The following P2RX1 variants were observed in gnomAD, a reference collection of about 807,000 sequenced individuals.
P2RX1 encodes P2X purinoceptor 1.
In P2RX1, 42 loss-of-function variants were observed where a neutral mutation model predicts 50.3. The ratio of observed to expected loss-of-function variants is 0.83; its 90% CI spans 0.65 to 1.08. P2RX1 has a LOEUF of 1.08. Ranked by LOEUF, P2RX1 falls within the 50% of genes least tolerant of loss-of-function variation. The probability of loss-of-function intolerance (pLI) is 0.00; values close to 1 mark genes in which losing one functional copy is unlikely to be tolerated. For synonymous variants in P2RX1, 199 were observed against 202.6 expected (o/e 0.98, Z 0.15); for missense variants, 449 against 529.0 (o/e 0.85, Z 1.48).
chr17:3,909,175 CGCG>C (rs2056320031), intron 1 of P2RX1, among the ~76,000 whole-genome samples: 1 of 152,082 alleles, frequency 6.6e-6, no homozygotes, highest in Non-Finnish European at 1.5e-5. Flanking sequence ...GGACTACGGG[CGCG>C]CCCCACCACG....
chr17:3,910,415 C>T (rs1030728495), intron 1 of P2RX1, among the ~76,000 whole-genome samples: 3 of 152,228 alleles, frequency 2.0e-5, no homozygotes, highest in Admixed American at 6.5e-5. Flanking sequence ...ACCCTATCAC[C>T]CAGGCTCAAC....
At chr17:3,904,078 C>A in intron 4 of P2RX1, 54 bp from the exon 5 acceptor site, 1 of 1,405,550 alleles carries the variant, frequency 7.1e-7, no homozygotes, top group South Asian at 1.2e-5. Context: ...GAGGCCGCCC[C>A]AGACCCCTTC....
chr17:3,915,676 C>G (rs576641056), intron 1 of P2RX1: 1 of 462,488 alleles, frequency 2.2e-6, no homozygotes, highest in Non-Finnish European at 4.3e-6. Context: ...CTGTCTCTCT[C>G]TAACTTGTCA....
At chr17:3,904,474 A>G (rs2056220638) in intron 3 of P2RX1, 75 bp from the exon 4 acceptor site, 6 of 1,299,362 alleles carry the variant, frequency 4.6e-6, no homozygotes, top group Non-Finnish European at 6.6e-6. Context: ...CCCACCCCCC[A>G]GGGCCCTAGG....
rs139103856 is a variant in P2RX1, at chr17:3,897,865, G to A, written c.1149C>T (p.Leu383=). ...DMGPGAAERD[L]AATSSTLGLQ... is the part of the protein sequence containing the mutation. ...GGCCCAGGGTGGAGCTGGTAGCTGCGAGGTCACGCTCAGCCTGTGTACGTG... is the reference window on the plus strand; with the variant it reads ...GGCCCAGGGTGGAGCTGGTAGCTGCAAGGTCACGCTCAGCCTGTGTACGTG... Residue 383 remains leucine, a synonymous_variant, in exon 12 of 12, where the codon CTC becomes CTT. Transcript: ENST00000225538. The A allele has an allele frequency of 1.8e-4, 292 of 1,613,886 alleles. No individual in the cohort carries two copies. The African/African-American group carries it at 3.1e-3, about 17-fold the overall frequency.
At chr17:3,900,179 G>A (rs570377864) in intron 7 of P2RX1, among the ~76,000 whole-genome samples, 13 of 152,168 alleles carry the variant, frequency 8.5e-5, no homozygotes, top group East Asian at 7.7e-4. Context: ...GGAGCCGGGC[G>A]TGGTGGCTCG....
In P2RX1 at chr17:3,914,872, CAAGA is replaced by C. The variant is rs1360370402; in HGVS notation, c.137+1213_137+1216del. Among the ~76,000 whole-genome samples the C allele has an allele frequency of 1.3e-5, 2 of 152,182 alleles. No individual in the cohort carries two copies. Among genetic ancestry groups the C allele is most frequent in the Non-Finnish European group, 2.9e-5 (2 of 68,028 alleles). ...CACAGATGTCAAATTAGTTTCTGAACAAGAGAGAGGAGAGGTCAAGGCTGGGGTC... is the reference window on the plus strand; with the variant it reads ...CACAGATGTCAAATTAGTTTCTGAACGAGAGGAGAGGTCAAGGCTGGGGTC... On this transcript the variant is annotated intron_variant, in intron 1 of 11. Transcript: ENST00000225538. This position sits in a 1 kb window ranked among gnomAD's most constrained non-coding sequence, Gnocchi z 4.1.
rs116486484 is a variant in P2RX1, at chr17:3,899,812, C to G, written c.748-51G>C. ...TCTGGGATTTCAGGATCAAAAACCC[C>G]TGTCTCAGCCGGGCGCAGTGGCTCA... On this transcript the variant is annotated intron_variant, in intron 7 of 11. Transcript: ENST00000225538. The G allele has an allele frequency of 2.2e-4, 358 of 1,605,008 alleles. 2 individuals are homozygous for G. In the African/African-American group the frequency reaches 4.5e-3, roughly 20 times the overall value.
At position 3,897,785 on chromosome 17, in the gene P2RX1, G is replaced by A. The variant is rs184629449; in HGVS notation, c.*29C>T. 379 of 1,605,454 alleles carry A rather than the reference G, an allele frequency of 2.4e-4. 1 individual carries two copies. The East Asian group carries it at 6.5e-3, about 27-fold the overall frequency. On this transcript the variant is annotated 3_prime_UTR_variant, in exon 12 of 12. Transcript: ENST00000225538. ...GGGCTCCAGGCTGAAGCCTCACGCT[G>A]CACCCAGTCAGGAGTTGGGGCCCGA...
At chr17:3,897,906 G>A (rs1272822644) in intron 11 of P2RX1, 27 bp from the exon 12 acceptor site, 5 of 1,613,484 alleles carry the variant, frequency 3.1e-6, no homozygotes, top group Non-Finnish European at 3.4e-6. Context: ...AGGGTTGGGG[G>A]ATACAAGTCA....
intron 8 of P2RX1, 95 bp from the exon 9 acceptor site, chr17:3,899,119 C>A: frequency 1.2e-6 from 1 of 863,122 alleles, no homozygotes; most frequent in Admixed American, 1.8e-5. Context: ...ATTTAGTGGT[C>A]TCTGAGTACA....
chr17:3,910,473 T>A (rs1403993702), intron 1 of P2RX1, among the ~76,000 whole-genome samples: 1 of 152,166 alleles, frequency 6.6e-6, no homozygotes, highest in African/African-American at 2.4e-5. Flanking sequence ...GCCCCCACAT[T>A]CATTGGATCC....
chr17:3,910,062 C>T (rs897336041), intron 1 of P2RX1, among the ~76,000 whole-genome samples: 2 of 149,660 alleles, frequency 1.3e-5, no homozygotes, highest in African/African-American at 4.9e-5. Flanking sequence ...GCAACCTCTG[C>T]CTCCCGGATT....
intron 1 of P2RX1, among the ~76,000 whole-genome samples, chr17:3,909,564 G>A (rs2056327565): frequency 2.0e-5 from 3 of 152,020 alleles, no homozygotes; most frequent in South Asian, 4.2e-4. Context: ...CAACAAACAT[G>A]AGCCGGGTGT....
intron 7 of P2RX1, among the ~76,000 whole-genome samples, chr17:3,900,460 TCAA>T (rs1380335459): frequency 9.2e-5 from 14 of 151,928 alleles, no homozygotes; most frequent in African/African-American, 2.7e-4. Context: ...TCTCAAAAAA[TCAA>T]CAACAACAAA....
chr17:3,904,925 T>TC lies in P2RX1; in HGVS notation c.289dup (p.Asp97GlyfsTer64). 3 of 558,332 alleles carry TC rather than the reference T, an allele frequency of 5.4e-6. No individual in the cohort carries two copies. The highest frequency in any genetic ancestry group is 8.6e-6 in the Non-Finnish European group (3 of 350,278). 34.6% of individuals were successfully genotyped at this position (558,332 alleles called of 1,614,324 possible). The stretch of plus-strand genomic sequence containing the variant: ...ATTGGTCATGACCACGAAGGAGTTG[T>TC]CCCCCTAGAAGTGAGGGGCAGGGGG... On this transcript the variant is annotated frameshift_variant, in exon 3 of 12. Coordinates refer to ENST00000225538, the MANE Select transcript of P2RX1 (RefSeq NM_002558.4). LOFTEE classifies it high-confidence loss of function.
Position 3,911,580 on chromosome 17 carries a change from C to A in P2RX1, c.137+4509G>T, listed in dbSNP as rs151007815. 6.5e-4 allele frequency among the ~76,000 whole-genome samples: 97 copies of A among 149,864 alleles called. 1 individual carries two copies. The East Asian group carries it at 0.02, about 30-fold the overall frequency. On this transcript the variant is annotated intron_variant, in intron 1 of 11. Transcript: ENST00000225538. Reference sequence around the variant, plus strand: ...CTGCGGCCTCTTCACAGCTGTCCTGCCTCCGGTCCCCACGCCCACCCCTGC... The same window carrying A: ...CTGCGGCCTCTTCACAGCTGTCCTGACTCCGGTCCCCACGCCCACCCCTGC...
At position 3,899,079 on chromosome 17, in the gene P2RX1, G is replaced by A. The variant is rs2056086644; in HGVS notation, c.876-55C>T. 3 of 1,243,778 alleles carry A rather than the reference G, an allele frequency of 2.4e-6. No individual in the cohort carries two copies. The African/African-American group carries it at 4.5e-5, about 19-fold the overall frequency. 77.0% of individuals were successfully genotyped at this position (1,243,778 alleles called of 1,614,324 possible). A position where few individuals can be genotyped will look rare whatever the true frequency, so the allele number is the denominator to read the frequency against. On this transcript the variant is annotated intron_variant, in intron 8 of 11. Transcript: ENST00000225538. The stretch of plus-strand genomic sequence containing the variant: ...TGATGGAGGGGACTGTCTTGGGTCT[G>A]GAGTTCTTAGCGCATCAGGGATACA...
rs2056077837 is a variant in P2RX1 at position 3,898,616 on chromosome 17, C to G, written c.967-67G>C. On this transcript the variant is annotated intron_variant, in intron 9 of 11. Coordinates refer to ENST00000225538, the MANE Select transcript of P2RX1 (RefSeq NM_002558.4). ...GGGGCCCAGCTGGAAAAGGCCGGAC[C>G]TGGGACAAGGGGACTTCCCCACCCT... The G allele has an allele frequency of 3.9e-6, 5 of 1,277,406 alleles. No individual in the cohort carries two copies. The Admixed American group carries it at 5.3e-5, about 14-fold the overall frequency. The allele number at this position is 1,277,406 out of a possible 1,614,324, so 79.1% of individuals were successfully genotyped here. A position where few individuals can be genotyped will look rare whatever the true frequency, so the allele number is the denominator to read the frequency against.
Sources: allele counts gnomAD v4.1 joint callset (sites outside exome capture counted in the v4.1 genomes callset), GRCh38; gene constraint gnomAD v4.1.1; non-coding constraint Gnocchi (gnomAD v3.1); transcripts MANE v1.5; gene names NCBI Gene and HGNC (gene_info 2026-07-23, HGNC 2026-07-21).